The following RBM19 variants were observed in gnomAD, a reference collection of about 807,000 sequenced individuals.
RBM19 encodes the protein RNA binding motif protein 19.
Under a neutral mutation model 116.8 loss-of-function variants are expected in RBM19, and 94 were observed. The observed-to-expected ratio is 0.80, with a 90% CI of 0.68 to 0.95. The LOEUF (loss-of-function observed/expected upper bound fraction) is 0.95. Among genes scored for constraint, RBM19 ranks in the 40% least tolerant of loss-of-function variants. RBM19 has a pLI of 0.00. For synonymous variants in RBM19, 475 were observed against 494.1 expected (o/e 0.96, Z 0.51); for missense variants, 1,161 against 1,220.7 (o/e 0.95, Z 0.73).
chr12:113,848,982 T>C (rs1877221073), intron 22 of RBM19, among the ~76,000 whole-genome samples: 1 of 152,216 alleles, frequency 6.6e-6, no homozygotes, highest in African/African-American at 2.4e-5. Context: ...ACAGACATTA[T>C]TCTCCTATTT....
chr12:113,946,718 G>A (rs759899879), intron 11 of RBM19, among the ~76,000 whole-genome samples: 1 of 152,210 alleles, frequency 6.6e-6, no homozygotes, highest in African/African-American at 2.4e-5. Flanking sequence ...GTATAACCCC[G>A]CACCCGCAGC....
At chr12:113,957,696 C>T (rs530157185) in intron 6 of RBM19, 86 bp downstream of exon 6, 28 of 1,476,646 alleles carry the variant, frequency 1.9e-5, no homozygotes, top group East Asian at 9.4e-5. Flanking sequence ...CCCAACATTC[C>T]GCTCTCCTAA....
chr12:113,938,961 A>G (rs1197999634), intron 15 of RBM19, among the ~76,000 whole-genome samples: 1 of 152,202 alleles, frequency 6.6e-6, no homozygotes, highest in Non-Finnish European at 1.5e-5. Context: ...AGCTTGTAAT[A>G]ATTTGTTATG....
At position 113,943,514 on chromosome 12, in the gene RBM19, G is replaced by T. The variant is rs867698607; in HGVS notation, c.1627-1080C>A. 5.9e-5 allele frequency among the ~76,000 whole-genome samples: 9 copies of T among 152,000 alleles called. No homozygotes were observed. In the South Asian group the frequency reaches 8.3e-4, roughly 14 times the overall value. On this transcript the variant is annotated intron_variant, in intron 13 of 23. Transcript: ENST00000261741. ...TTGCAATTTTTTTTTTTAACATTGT[G>T]CATATGTTGAAATGATAATATTTTG...
chr12:113,857,667 G>T (rs1262109609), intron 22 of RBM19, among the ~76,000 whole-genome samples: 1 of 152,230 alleles, frequency 6.6e-6, no homozygotes, highest in African/African-American at 2.4e-5. Flanking sequence ...AACAAAACAG[G>T]CACTTGAGCT....
At position 113,879,449 on chromosome 12, in the gene RBM19, A is replaced by ATATATATG. The variant is rs1444081861; in HGVS notation, c.2559-20554_2559-20553insCATATATA. 2.0e-5 allele frequency among the ~76,000 whole-genome samples: 3 copies of ATATATATG among 149,066 alleles called. No homozygotes were observed. In the South Asian group the frequency reaches 6.4e-4, roughly 32 times the overall value. ...ATACATTTTATATATATATATATAT[A>ATATATATG]TGGACTTTTCTTTTTTTAAGGGGAA... On this transcript the variant is annotated intron_variant, in intron 21 of 23. Transcript: ENST00000261741.
chr12:113,893,484 T>C (rs2135811734), intron 21 of RBM19, among the ~76,000 whole-genome samples: 1 of 152,354 alleles, frequency 6.6e-6, no homozygotes, highest in South Asian at 2.1e-4. Flanking sequence ...AAAGCATTTC[T>C]CCTCGCAGTA....
intron 22 of RBM19, among the ~76,000 whole-genome samples, chr12:113,851,045 T>A (rs957555514): frequency 6.6e-6 from 1 of 152,210 alleles, no homozygotes; most frequent in Non-Finnish European, 1.5e-5. Flanking sequence ...AGGCTCCCAC[T>A]GTCCTGTGAG....
intron 21 of RBM19, among the ~76,000 whole-genome samples, chr12:113,867,535 A>C (rs1160080338): frequency 6.6e-6 from 1 of 152,232 alleles, no homozygotes; most frequent in African/African-American, 2.4e-5. Flanking sequence ...AGTTTTCAGC[A>C]TGCATCTCCA....
chr12:113,827,261 C>A (rs920857246), intron 23 of RBM19, among the ~76,000 whole-genome samples: 1 of 152,192 alleles, frequency 6.6e-6, no homozygotes, highest in African/African-American at 2.4e-5. Context: ...GTGAATGTCA[C>A]CAAACATCAA....
chr12:113,820,051 TA>T (rs1442422717), downstream of RBM19, among the ~76,000 whole-genome samples: 1 of 142,862 alleles, frequency 7.0e-6, no homozygotes, highest in South Asian at 2.2e-4. Context: ...GGATGGGGGA[TA>T]GGGGGTTGGG....
intron 23 of RBM19, among the ~76,000 whole-genome samples, chr12:113,828,473 GGA>G: frequency 6.6e-6 from 1 of 152,054 alleles, no homozygotes; most frequent in East Asian, 1.9e-4. Context: ...CCGCTAAGTC[GGA>G]GACAGAACTG....
chr12:113,963,011 T>C (rs7311583), intron 1 of RBM19, among the ~76,000 whole-genome samples: 11,638 of 152,156 alleles, frequency 0.076, 1,480 homozygotes, highest in African/African-American at 0.27. Flanking sequence ...GATTGGAAGA[T>C]GCTATGCTAT....
intron 22 of RBM19, among the ~76,000 whole-genome samples, chr12:113,846,271 G>C (rs996294389): frequency 2.0e-5 from 3 of 152,136 alleles, no homozygotes; most frequent in African/African-American, 7.2e-5. Flanking sequence ...TTTCTTTTAT[G>C]CTGTGAAGAA....
At chr12:113,964,635 TA>T (rs1336292342) in intron 1 of RBM19, among the ~76,000 whole-genome samples, 1 of 152,172 alleles carries the variant, frequency 6.6e-6, no homozygotes, top group Admixed American at 6.5e-5. Context: ...ACAGGATAAT[TA>T]AAAACAAGAA....
chr12:113,833,144 C>A (rs1324375077), intron 23 of RBM19, among the ~76,000 whole-genome samples: 5 of 152,174 alleles, frequency 3.3e-5, no homozygotes, highest in Admixed American at 6.5e-5. Flanking sequence ...CCCCGCCCAG[C>A]CACCTGTCCT....
chr12:113,962,793 A>G (rs1205184161), intron 1 of RBM19, among the ~76,000 whole-genome samples: 2 of 152,232 alleles, frequency 1.3e-5, no homozygotes, highest in Non-Finnish European at 2.9e-5. Flanking sequence ...AGCTATATAT[A>G]TCTTTGTTAA....
chr12:113,843,196 C>A (rs1236483626), intron 23 of RBM19, among the ~76,000 whole-genome samples: 1 of 152,176 alleles, frequency 6.6e-6, no homozygotes, highest in Non-Finnish European at 1.5e-5. Context: ...CAGAGCTGCA[C>A]CGGTCAGGCG....
downstream of RBM19, chr12:113,817,450 C>G (rs1874117618): frequency 6.6e-6 from 1 of 152,350 alleles, no homozygotes; most frequent in Non-Finnish European, 1.5e-5. Context: ...TGTTCCTCCC[C>G]TCTGCAGAGT....
Sources: allele counts gnomAD v4.1 joint callset (sites outside exome capture counted in the v4.1 genomes callset), GRCh38; gene constraint gnomAD v4.1.1; transcripts MANE v1.5; gene names NCBI Gene and HGNC (gene_info 2026-07-23, HGNC 2026-07-21).